ADAM12: variants seen among roughly 807,000 people sequenced by gnomAD.
The protein encoded by ADAM12 is ADAM metallopeptidase domain 12.
ADAM12 carries 70 observed loss-of-function variants against 106.4 expected under a neutral mutation model. The ratio of observed to expected loss-of-function variants is 0.66; its 90% CI spans 0.54 to 0.80. The LOEUF (loss-of-function observed/expected upper bound fraction) is 0.80, where lower values mean the gene tolerates loss of function less well. Ranked by LOEUF, ADAM12 falls within the 30% of genes least tolerant of loss-of-function variation. ADAM12 has a pLI of 0.00. For missense variants in ADAM12, 1,010 were observed against 1,171.9 expected (o/e 0.86, Z 2.02); for synonymous variants, 420 against 433.5 (o/e 0.97, Z 0.39).
intron 1 of ADAM12, among the ~76,000 whole-genome samples, chr10:126,387,293 G>A (rs1355291798): frequency 6.6e-6 from 1 of 152,152 alleles, no homozygotes; most frequent in Non-Finnish European, 1.5e-5. Flanking sequence ...CGATTTTAAG[G>A]GGCTACAACT....
chr10:126,208,488 C>A (rs904207178), intron 3 of ADAM12, among the ~76,000 whole-genome samples: 4 of 152,112 alleles, frequency 2.6e-5, no homozygotes, highest in Non-Finnish European at 5.9e-5. Context: ...TACACAAGCA[C>A]AAATAAATGT....
intron 2 of ADAM12, among the ~76,000 whole-genome samples, chr10:126,314,159 G>A (rs1231744650): frequency 6.6e-6 from 1 of 152,202 alleles, no homozygotes; most frequent in African/African-American, 2.4e-5. Context: ...TGAGCAGGTT[G>A]GCAGGAGTAG....
chr10:126,366,172 G>A (rs1466624922), intron 1 of ADAM12, among the ~76,000 whole-genome samples: 1 of 151,982 alleles, frequency 6.6e-6, no homozygotes, highest in East Asian at 1.9e-4. Flanking sequence ...TCAAATCAAT[G>A]GAAATAAAAC....
intron 11 of ADAM12, among the ~76,000 whole-genome samples, chr10:126,092,332 C>T (rs1955480722): frequency 1.3e-5 from 2 of 152,188 alleles, no homozygotes; most frequent in Non-Finnish European, 2.9e-5. Flanking sequence ...TCCTGCCAAA[C>T]TCACTGTCTG....
intron 4 of ADAM12, among the ~76,000 whole-genome samples, chr10:126,139,961 T>C (rs1232480126): frequency 6.6e-6 from 1 of 152,184 alleles, no homozygotes; most frequent in Non-Finnish European, 1.5e-5. Flanking sequence ...GGGGGTTATA[T>C]AATTGGATCA....
intron 3 of ADAM12, among the ~76,000 whole-genome samples, chr10:126,276,488 G>A (rs542334513): frequency 1.3e-4 from 20 of 152,088 alleles, no homozygotes; most frequent in East Asian, 7.7e-4. Flanking sequence ...TATTCATTGC[G>A]TCAAAGGTAT....
intron 1 of ADAM12, among the ~76,000 whole-genome samples, chr10:126,370,119 T>A (rs140854349): frequency 1.8e-4 from 27 of 152,252 alleles, no homozygotes; most frequent in African/African-American, 6.5e-4. Flanking sequence ...TGAAAGCAGA[T>A]CCTTCCCAGT....
chr10:126,162,722 G>A (rs1337613291), intron 3 of ADAM12, among the ~76,000 whole-genome samples: 2 of 152,162 alleles, frequency 1.3e-5, no homozygotes, highest in Non-Finnish European at 2.9e-5. Context: ...GAAATTCAGG[G>A]GGGCCCAGAA....
chr10:126,155,116 G>T, intron 4 of ADAM12, 111 bp downstream of exon 4: 1 of 1,180,584 alleles, frequency 8.5e-7, no homozygotes, highest in Non-Finnish European at 1.2e-6. Context: ...TCTTGGGGGG[G>T]CCTAAGTTAA....
At chr10:126,285,089 G>C (rs1167020513) in intron 2 of ADAM12, among the ~76,000 whole-genome samples, 2 of 152,190 alleles carry the variant, frequency 1.3e-5, no homozygotes, top group Non-Finnish European at 2.9e-5. Flanking sequence ...GAGCCGGTAG[G>C]TGCTGGCCAA....
chr10:126,362,946 C>T (rs890308189), intron 1 of ADAM12, among the ~76,000 whole-genome samples: 1 of 151,982 alleles, frequency 6.6e-6, no homozygotes, highest in Admixed American at 6.5e-5. Context: ...TGCAAATGCT[C>T]CCAACACAAA....
chr10:126,382,330 A>T (rs1856523617), intron 1 of ADAM12, among the ~76,000 whole-genome samples: 1 of 152,224 alleles, frequency 6.6e-6, no homozygotes, highest in Non-Finnish European at 1.5e-5. Context: ...TCCTGAAGAC[A>T]CTGAAGTAGA....
At chr10:126,191,611 G>A (rs1957502856) in intron 3 of ADAM12, among the ~76,000 whole-genome samples, 1 of 151,730 alleles carries the variant, frequency 6.6e-6, no homozygotes, top group South Asian at 2.1e-4. Flanking sequence ...TAAGGTGGGG[G>A]GAATAGGGGA....
intron 3 of ADAM12, among the ~76,000 whole-genome samples, chr10:126,258,618 C>T (rs553214603): frequency 6.6e-6 from 1 of 152,170 alleles, no homozygotes; most frequent in Admixed American, 6.5e-5. Context: ...CCTTGGTCTC[C>T]CTTTTTTATT....
In ADAM12 at chr10:126,361,022, T is replaced by C. The variant is rs142536019; in HGVS notation, c.88+27036A>G. Among the ~76,000 whole-genome samples, 153 of 152,260 alleles carry C rather than the reference T, an allele frequency of 1.0e-3. No homozygotes were observed. In the Middle Eastern group the frequency reaches 0.014, roughly 14 times the overall value. On this transcript the variant is annotated intron_variant, in intron 1 of 22. Coordinates refer to ENST00000448723, the MANE Select transcript of ADAM12 (RefSeq NM_001288973.2). The stretch of plus-strand genomic sequence containing the variant: ...GGTTGTGCAGGGAAACTCCCATTTT[T>C]AAAAGCATCAGATCTCGTGAGGCTT...
At chr10:126,198,215 G>A (rs117147102) in intron 3 of ADAM12, among the ~76,000 whole-genome samples, 2,727 of 152,332 alleles carry the variant, frequency 0.018, 39 homozygotes, top group Middle Eastern at 0.058. Flanking sequence ...GTCAGTCACC[G>A]TTGCAGACGC....
intron 3 of ADAM12, among the ~76,000 whole-genome samples, chr10:126,206,855 G>GCGGC (rs1554986867): frequency 1.0e-4 from 3 of 28,932 alleles, no homozygotes; most frequent in Non-Finnish European, 2.5e-4. Flanking sequence ...CATGTGTTGT[G>GCGGC]GGGGCGGGGG....
chr10:126,307,602 G>A (rs186961447), intron 2 of ADAM12, among the ~76,000 whole-genome samples: 4 of 152,080 alleles, frequency 2.6e-5, no homozygotes, highest in African/African-American at 7.2e-5. Flanking sequence ...GTGCAGTGGC[G>A]CGATCTCGGC....
chr10:126,073,419 G>GT (rs1409250425), intron 11 of ADAM12, among the ~76,000 whole-genome samples: 1 of 151,990 alleles, frequency 6.6e-6, no homozygotes, highest in Non-Finnish European at 1.5e-5. Context: ...TTAATTGTAG[G>GT]TTCAGGGGTA....
Sources: allele counts gnomAD v4.1 joint callset (sites outside exome capture counted in the v4.1 genomes callset), GRCh38; gene constraint gnomAD v4.1.1; transcripts MANE v1.5; gene names NCBI Gene and HGNC (gene_info 2026-07-23, HGNC 2026-07-21).